The following CYYR1 variants were observed in gnomAD, a reference collection of about 807,000 sequenced individuals.
CYYR1 encodes the protein cysteine and tyrosine rich 1.
A neutral mutation model predicts 15.2 loss-of-function variants in CYYR1; 14 were observed. That is an observed-to-expected ratio of 0.92 (90% CI 0.61 to 1.44). CYYR1 has a LOEUF of 1.44. Among genes scored for constraint, CYYR1 ranks in the 40% most tolerant of loss-of-function variants. CYYR1 has a pLI of 0.00. For synonymous variants in CYYR1, 80 were observed against 77.4 expected (o/e 1.03, Z -0.18); for missense variants, 228 against 209.5 (o/e 1.09, Z -0.54).
At chr21:26,517,383 G>A (rs1424347015) in intron 2 of CYYR1, among the ~76,000 whole-genome samples, 2 of 152,034 alleles carry the variant, frequency 1.3e-5, no homozygotes, top group Non-Finnish European at 1.5e-5. Flanking sequence ...CTGAGAAGTG[G>A]CTTGCAACTG....
At position 26,490,215 on chromosome 21, in the gene CYYR1, G is replaced by A. The variant is rs114455661; in HGVS notation, c.177-9786C>T. Among the ~76,000 whole-genome samples the A allele has an allele frequency of 9.5e-3, 1,447 of 151,974 alleles. 17 individuals are homozygous for A. The highest frequency in any genetic ancestry group is 0.033 in the African/African-American group (1,369 of 41,418). On this transcript the variant is annotated intron_variant, in intron 2 of 3. Coordinates refer to ENST00000652641, the MANE Select transcript of CYYR1 (RefSeq NM_001320768.2). Reference sequence around the variant, plus strand: ...CTTGGTAGGATGAGGCATGAGAATCGCTTAAACCTGGGAGGCAGAGGTTGC... The same window carrying A: ...CTTGGTAGGATGAGGCATGAGAATCACTTAAACCTGGGAGGCAGAGGTTGC...
intron 2 of CYYR1, among the ~76,000 whole-genome samples, chr21:26,556,794 T>G (rs1381080442): frequency 6.6e-6 from 1 of 152,088 alleles, no homozygotes; most frequent in Non-Finnish European, 1.5e-5. Context: ...GGATTGCAAT[T>G]CGACATGAAA....
chr21:26,564,807 C>A, intron 2 of CYYR1: 3 of 1,248,308 alleles, frequency 2.4e-6, no homozygotes, highest in South Asian at 2.8e-5. Context: ...ACTCGCACCT[C>A]TACCTGGGAC....
intron 3 of CYYR1, among the ~76,000 whole-genome samples, chr21:26,472,815 G>A (rs879626705): frequency 3.3e-5 from 5 of 152,048 alleles, no homozygotes; most frequent in Non-Finnish European, 5.9e-5. Flanking sequence ...AATCCCTTCT[G>A]TGTTATTTCC....
At chr21:26,512,086 T>C (rs1450484082) in intron 2 of CYYR1, among the ~76,000 whole-genome samples, 1 of 152,146 alleles carries the variant, frequency 6.6e-6, no homozygotes, top group Non-Finnish European at 1.5e-5. Context: ...CGTCTATTTC[T>C]TATACAGACA....
At chr21:26,572,352 A>G (rs1260199485) in intron 1 of CYYR1, among the ~76,000 whole-genome samples, 1 of 152,232 alleles carries the variant, frequency 6.6e-6, no homozygotes, top group Non-Finnish European at 1.5e-5. Context: ...ATCTAAATCA[A>G]CGAACCTGTA....
chr21:26,531,071 G>A (rs73898242), intron 2 of CYYR1, among the ~76,000 whole-genome samples: 1 of 152,148 alleles, frequency 6.6e-6, no homozygotes, highest in Admixed American at 6.5e-5. Flanking sequence ...GCACGCATAA[G>A]TGTAAACTTG....
chr21:26,472,842 C>A (rs2065053199), intron 3 of CYYR1, among the ~76,000 whole-genome samples: 1 of 152,002 alleles, frequency 6.6e-6, no homozygotes, highest in Non-Finnish European at 1.5e-5. Context: ...AAAAATTAGT[C>A]TTCTTTTTCA....
intron 3 of CYYR1, chr21:26,471,044 C>T (rs1170425092): frequency 1.3e-5 from 2 of 152,228 alleles, no homozygotes; most frequent in Non-Finnish European, 2.9e-5. Flanking sequence ...CTGGGCTACT[C>T]CAAGCTCTGT....
intron 2 of CYYR1, among the ~76,000 whole-genome samples, chr21:26,489,954 C>T (rs1158148598): frequency 6.6e-6 from 1 of 152,068 alleles, no homozygotes; most frequent in Non-Finnish European, 1.5e-5. Flanking sequence ...GTCATTTTGC[C>T]TACAATTCTA....
intron 2 of CYYR1, among the ~76,000 whole-genome samples, chr21:26,500,919 G>A (rs1482073740): frequency 1.3e-5 from 2 of 152,204 alleles, no homozygotes; most frequent in African/African-American, 4.8e-5. Context: ...TAAAACAGTA[G>A]TGGGACAGAG....
chr21:26,497,786 A>G (rs756149828), intron 2 of CYYR1, among the ~76,000 whole-genome samples: 4 of 152,198 alleles, frequency 2.6e-5, no homozygotes, highest in Non-Finnish European at 4.4e-5. Flanking sequence ...ATTTAGAATC[A>G]AAGCCCCTCT....
rs374958120 is a variant in CYYR1 at position 26,554,620 on chromosome 21, CA to C, written c.176+11645del. Among the ~76,000 whole-genome samples the C allele has an allele frequency of 3.0e-4, 45 of 152,168 alleles. 1 individual carries two copies. The South Asian group carries it at 9.3e-3, about 32-fold the overall frequency. On this transcript the variant is annotated intron_variant, in intron 2 of 3. Transcript: ENST00000652641. ...CCGAGAGTGCTCTCCTGGGGAGAGG[CA>C]GGTGGTACTCTCCTGTTGATGAAGT...
At chr21:26,501,139 A>G (rs935345573) in intron 2 of CYYR1, among the ~76,000 whole-genome samples, 2 of 152,170 alleles carry the variant, frequency 1.3e-5, no homozygotes, top group African/African-American at 4.8e-5. Context: ...GGAGATCGAG[A>G]CCATCCTGGC....
chr21:26,498,752 C>A (rs2065441620), intron 2 of CYYR1, among the ~76,000 whole-genome samples: 1 of 152,130 alleles, frequency 6.6e-6, no homozygotes, highest in Non-Finnish European at 1.5e-5. Context: ...AGGAAACTTA[C>A]AATCATGGGG....
intron 2 of CYYR1, 66 bp from the exon 3 acceptor site, chr21:26,480,495 G>A (rs1179026006): frequency 3.4e-6 from 5 of 1,463,906 alleles, no homozygotes; most frequent in African/African-American, 2.8e-5. Context: ...TTCTAGTAGA[G>A]CTCCATGATT....
intron 2 of CYYR1, among the ~76,000 whole-genome samples, chr21:26,539,183 G>T (rs1447541231): frequency 6.6e-6 from 1 of 152,144 alleles, no homozygotes; most frequent in Non-Finnish European, 1.5e-5. Flanking sequence ...TCTCATTCAA[G>T]TTCACAGACT....
At chr21:26,517,453 AT>A (rs1012038272) in intron 2 of CYYR1, among the ~76,000 whole-genome samples, 6 of 152,240 alleles carry the variant, frequency 3.9e-5, no homozygotes, top group Admixed American at 1.3e-4. Flanking sequence ...TTTGAAAAAA[AT>A]AATTCCTCCT....
At chr21:26,509,947 A>C (rs1275712791) in intron 2 of CYYR1, among the ~76,000 whole-genome samples, 1 of 152,128 alleles carries the variant, frequency 6.6e-6, no homozygotes, top group African/African-American at 2.4e-5. Context: ...ACAGCAACCA[A>C]CTCTGGAATG....
Sources: gnomAD v4.1 joint callset for allele counts (sites outside exome capture counted in the v4.1 genomes callset) on GRCh38, gnomAD v4.1.1 for gene constraint, MANE v1.5 for transcripts, NCBI Gene and HGNC (gene_info 2026-07-23, HGNC 2026-07-21) for gene names.